MMRN1: variants seen among roughly 807,000 people sequenced by gnomAD.
MMRN1 encodes the protein multimerin 1, also known as multimerin-1.
In MMRN1, 94 loss-of-function variants were observed where a neutral mutation model predicts 100.7. The ratio of observed to expected loss-of-function variants is 0.93; its 90% CI spans 0.79 to 1.11. The LOEUF (loss-of-function observed/expected upper bound fraction) is 1.11, where lower values mean the gene tolerates loss of function less well. Among genes scored for constraint, MMRN1 ranks in the 50% least tolerant of loss-of-function variants. The pLI, the probability that MMRN1 is intolerant of heterozygous loss-of-function variation, is 0.00. For synonymous variants in MMRN1, 575 were observed against 505.0 expected (o/e 1.14, Z -1.86); for missense variants, 1,606 against 1,439.1 (o/e 1.12, Z -1.88).
chr4:89,939,484 T>C (rs1025787997), intron 6 of MMRN1, among the ~76,000 whole-genome samples: 25 of 152,268 alleles, frequency 1.6e-4, no homozygotes, highest in African/African-American at 5.8e-4. Context: ...TCAGGCACTG[T>C]GAAAATTCCC....
chr4:89,949,307 CT>C (rs1179331069), intron 6 of MMRN1, among the ~76,000 whole-genome samples: 1 of 152,104 alleles, frequency 6.6e-6, no homozygotes, highest in Non-Finnish European at 1.5e-5. Context: ...AATTATAGAG[CT>C]GATCAAATTA....
Position 89,933,790 on chromosome 4 carries a change from A to G in MMRN1, c.1130-1020A>G, listed in dbSNP as rs146704134. On this transcript the variant is annotated intron_variant, in intron 5 of 7. Coordinates refer to ENST00000264790, the MANE Select transcript of MMRN1 (RefSeq NM_007351.3). ...GGGATTATGGGAGGTACCATTCAAG[A>G]TGAGGTTTGGGTGGGGACACAGCCA... Among the ~76,000 whole-genome samples the G allele has an allele frequency of 3.5e-3, 533 of 152,304 alleles. 6 individuals are homozygous for G. Among genetic ancestry groups the G allele is most frequent in the African/African-American group, 0.012 (514 of 41,568 alleles).
At chr4:89,946,840 T>C (rs1722999285) in intron 6 of MMRN1, among the ~76,000 whole-genome samples, 1 of 152,102 alleles carries the variant, frequency 6.6e-6, no homozygotes, top group African/African-American at 2.4e-5. Context: ...AAATGAAATA[T>C]CAGTTATGCT....
At chr4:89,941,681 T>C (rs1722828783) in intron 6 of MMRN1, among the ~76,000 whole-genome samples, 1 of 152,134 alleles carries the variant, frequency 6.6e-6, no homozygotes, top group African/African-American at 2.4e-5. Flanking sequence ...AGAAGTCAAG[T>C]TCCCAGATGC....
chr4:89,929,814 T>C (rs547855213), intron 5 of MMRN1, among the ~76,000 whole-genome samples: 91 of 152,308 alleles, frequency 6.0e-4, no homozygotes, highest in African/African-American at 2.1e-3. Context: ...ACCTCCAAGG[T>C]GCTGTGCTTG....
At position 89,894,985 on chromosome 4, in the gene MMRN1, G is replaced by T; in HGVS notation, c.14G>T (p.Arg5Ile). Residue 5 changes from arginine to isoleucine, a missense_variant, in exon 1 of 8, where the codon AGA becomes ATA. Arg to Ile is a moderately conservative substitution (Grantham distance 97). Coordinates refer to ENST00000264790, the MANE Select transcript of MMRN1 (RefSeq NM_007351.3). MKGARLFVLLSSLWS... is the reference protein window; with the variant it reads MKGAILFVLLSSLWS... ...CAAACTACTGAGATGAAGGGGGCAA[G>T]ATTATTTGTCCTTCTTTCTAGTTTA... 1 of 1,610,898 alleles carries T rather than the reference G, an allele frequency of 6.2e-7. No individual in the cohort carries two copies. Among genetic ancestry groups the T allele is most frequent in the Non-Finnish European group, 8.5e-7 (1 of 1,178,044 alleles).
Position 89,936,358 on chromosome 4 carries a change from C to T in MMRN1, c.2678C>T (p.Ala893Val). The T allele has an allele frequency of 6.2e-7, 1 of 1,612,184 alleles. No homozygotes were observed. Among genetic ancestry groups the T allele is most frequent in the African/African-American group, 1.3e-5 (1 of 74,936 alleles). The change falls in exon 6 of 8, where the codon GCT (alanine) becomes GTT (valine). Residue 893 changes from alanine (A) to valine (V), a missense_variant. Transcript: ENST00000264790. ...GSVVTNERDQALQLQVLNSRF... is the reference protein window; with the variant it reads ...GSVVTNERDQVLQLQVLNSRF... ...GTAGTTACAAATGAGAGAGATCAGGCTCTTCAACTGCAAGTATTAAATTCC... is the reference window on the plus strand; with the variant it reads ...GTAGTTACAAATGAGAGAGATCAGGTTCTTCAACTGCAAGTATTAAATTCC...
intron 5 of MMRN1, 26 bp downstream of exon 5, chr4:89,927,994 T>C: frequency 6.7e-7 from 1 of 1,488,664 alleles, no homozygotes; most frequent in Non-Finnish European, 9.1e-7. Flanking sequence ...AATAAAATAT[T>C]CATTCAGTAA....
At chr4:89,901,533 T>G (rs1721388727) in intron 1 of MMRN1, among the ~76,000 whole-genome samples, 1 of 152,108 alleles carries the variant, frequency 6.6e-6, no homozygotes, top group Non-Finnish European at 1.5e-5. Context: ...TCTGATCAGC[T>G]AAATTCTTGT....
intron 6 of MMRN1, among the ~76,000 whole-genome samples, chr4:89,942,909 G>C (rs905943762): frequency 6.6e-6 from 1 of 152,062 alleles, no homozygotes; most frequent in African/African-American, 2.4e-5. Context: ...CTTCCTTTCA[G>C]AATTCTTTTC....
At chr4:89,945,757 G>T (rs926776530) in intron 6 of MMRN1, among the ~76,000 whole-genome samples, 1 of 152,112 alleles carries the variant, frequency 6.6e-6, no homozygotes, top group Admixed American at 6.6e-5. Flanking sequence ...CTTTCGGACA[G>T]GTCTAAGATA....
chr4:89,909,705 G>A (rs1026039202), intron 2 of MMRN1, among the ~76,000 whole-genome samples: 1 of 149,408 alleles, frequency 6.7e-6, no homozygotes, highest in Non-Finnish European at 1.5e-5. Flanking sequence ...TCTATATCTG[G>A]TCAACAATCC....
intron 1 of MMRN1, among the ~76,000 whole-genome samples, chr4:89,899,493 G>C (rs1721314141): frequency 1.3e-5 from 2 of 152,118 alleles, no homozygotes; most frequent in Non-Finnish European, 2.9e-5. Flanking sequence ...GAATAACAGT[G>C]AATCACAAAT....
chr4:89,938,501 AT>A, intron 6 of MMRN1, among the ~76,000 whole-genome samples: 1 of 93,640 alleles, frequency 1.1e-5, no homozygotes, highest in African/African-American at 5.0e-5. Context: ...ATATATATAT[AT>A]ATATATATAT....
chr4:89,949,235 C>T (rs1465752515), intron 6 of MMRN1, among the ~76,000 whole-genome samples: 1 of 152,156 alleles, frequency 6.6e-6, no homozygotes, highest in Non-Finnish European at 1.5e-5. Context: ...GCTTTGATCC[C>T]TGATTCATGA....
At chr4:89,887,062 G>A (rs1720952633) in intron 1 of MMRN1, among the ~76,000 whole-genome samples, 1 of 151,984 alleles carries the variant, frequency 6.6e-6, no homozygotes, top group South Asian at 2.1e-4. Context: ...CTACCTCCAT[G>A]AGAGCAAATG....
chr4:89,947,939 G>A (rs545961555), intron 6 of MMRN1, among the ~76,000 whole-genome samples: 5 of 152,164 alleles, frequency 3.3e-5, no homozygotes, highest in South Asian at 2.1e-4. Context: ...TGCAACCTCC[G>A]CCTCCTGGGT....
rs769668568 is a variant in MMRN1, at chr4:89,895,386, C to T, written c.415C>T (p.Leu139=). ...AESVVLSNST[L]KFLQSFARKS... ...ATCAGTGGTCCTTTCCAATTCTACA[C>T]TGAAATTTCTTCAGAGCTTTGCCAG... is the stretch of plus-strand genomic sequence containing the variant. The change falls in exon 1 of 8, where the codon CTG becomes TTG. Residue 139 remains leucine (L), a synonymous_variant. Coordinates refer to ENST00000264790, the MANE Select transcript of MMRN1 (RefSeq NM_007351.3). The T allele has an allele frequency of 1.2e-6, 2 of 1,613,936 alleles. No individual in the cohort carries two copies. Among genetic ancestry groups the T allele is most frequent in the Non-Finnish European group, 1.7e-6 (2 of 1,179,930 alleles).
chr4:89,894,909 A>T lies in MMRN1; in HGVS notation c.-63A>T, dbSNP rs904822748. 41 of 1,542,240 alleles carry T rather than the reference A, an allele frequency of 2.7e-5. No homozygotes were observed. The African/African-American group carries it at 5.4e-4, about 20-fold the overall frequency. On this transcript the variant is annotated 5_prime_UTR_variant, in exon 1 of 8. Coordinates refer to ENST00000264790, the MANE Select transcript of MMRN1 (RefSeq NM_007351.3). ...CAGATTCAGTGTGGAAGCAGCTATC[A>T]AAAAGGCCATAAGGATTTTGTCCCC...
Sources: gnomAD v4.1 joint callset for allele counts (sites outside exome capture counted in the v4.1 genomes callset) on GRCh38, gnomAD v4.1.1 for gene constraint, MANE v1.5 for transcripts, NCBI Gene and HGNC (gene_info 2026-07-23, HGNC 2026-07-21) for gene names.